The following COPG2 variants were observed in gnomAD, a reference collection of about 807,000 sequenced individuals.
COPG2 encodes coat protein complex I subunit gamma 2, also known as coatomer subunit gamma-2.
COPG2 carries 37 observed loss-of-function variants against 46.3 expected under a neutral mutation model. That is an observed-to-expected ratio of 0.80 (90% confidence interval 0.61 to 1.05). The LOEUF (loss-of-function observed/expected upper bound fraction) is 1.05. Ranked by LOEUF, COPG2 falls within the 50% of genes least tolerant of loss-of-function variation. The pLI, the probability that COPG2 is intolerant of heterozygous loss-of-function variation, is 0.00. For synonymous variants in COPG2, 159 were observed against 129.7 expected, an observed-to-expected ratio of 1.23 and a Z score of -1.53; for missense variants, 427 against 387.8, an observed-to-expected ratio of 1.10 and a Z score of -0.85.
intron 5 of COPG2, among the ~76,000 whole-genome samples, chr7:130,625,822 T>C (rs1795110559): frequency 1.3e-5 from 2 of 152,174 alleles, no homozygotes; most frequent in Non-Finnish European, 2.9e-5. Flanking sequence ...ATATGCTTTC[T>C]TTTGAATTAC....
At chr7:130,658,685 ATT>A (rs782395728) in intron 4 of COPG2, among the ~76,000 whole-genome samples, 2 of 147,050 alleles carry the variant, frequency 1.4e-5, no homozygotes, top group Admixed American at 6.8e-5. Context: ...TGACAACCTG[ATT>A]TTTTTTTTTT....
At chr7:130,509,573 C>T (rs1799562846) in intron 20 of COPG2, 2 of 436,664 alleles carry the variant, frequency 4.6e-6, no homozygotes, top group South Asian at 3.2e-5. Flanking sequence ...CTTTCATCTG[C>T]TCAGTCTTGA....
intron 10 of COPG2, among the ~76,000 whole-genome samples, chr7:130,563,992 A>G (rs1415258332): frequency 3.3e-5 from 5 of 152,170 alleles, no homozygotes; most frequent in African/African-American, 4.8e-5. Context: ...TTTAAAAAAA[A>G]GCAATAAAGA....
Position 130,656,652 on chromosome 7 carries a change from A to G in COPG2, c.244-3704T>C, listed in dbSNP as rs140812882. Reference sequence around the variant, plus strand: ...ATCACAAGAAAAAGGTCAATATATAAAAGTTCATTTAATTCTAGAGACTAC... The same window carrying G: ...ATCACAAGAAAAAGGTCAATATATAGAAGTTCATTTAATTCTAGAGACTAC... On this transcript the variant is annotated intron_variant, in intron 4 of 23. Transcript: ENST00000425248. 2.6e-5 allele frequency among the ~76,000 whole-genome samples: 4 copies of G among 152,282 alleles called. No individual in the cohort carries two copies. In the East Asian group the frequency reaches 5.8e-4, roughly 22 times the overall value.
chr7:130,567,088 T>C (rs959632873), intron 9 of COPG2, among the ~76,000 whole-genome samples: 2 of 152,218 alleles, frequency 1.3e-5, no homozygotes, highest in African/African-American at 4.8e-5. Flanking sequence ...ATTATGTCCA[T>C]TGCAGCAACA....
chr7:130,554,250 C>T (rs1248419029), intron 14 of COPG2, among the ~76,000 whole-genome samples: 5 of 152,074 alleles, frequency 3.3e-5, no homozygotes, highest in East Asian at 1.9e-4. Context: ...ACTGAAAAAA[C>T]GGATGAGCCA....
rs369631078 is a variant in COPG2, at chr7:130,602,972, T to G, written c.737+7981A>C. The G allele has an allele frequency of 4.6e-5, 7 of 152,154 alleles. No homozygotes were observed. The South Asian group carries it at 6.2e-4, about 14-fold the overall frequency. The allele number at this position is 152,154 out of a possible 1,614,324, so 9.4% of individuals were successfully genotyped here. A position where few individuals can be genotyped will look rare whatever the true frequency, so the allele number is the denominator to read the frequency against. The stretch of plus-strand genomic sequence containing the variant: ...TGTCATCCTCTGGAATTTTAGAGCT[T>G]CTAATTAAAAAAAAATTATTTGTAA... On this transcript the variant is annotated intron_variant, in intron 9 of 23. Transcript: ENST00000425248.
intron 9 of COPG2, chr7:130,610,448 G>C (rs1794822665): frequency 2.2e-6 from 1 of 453,674 alleles, no homozygotes; most frequent in Non-Finnish European, 4.3e-6. Flanking sequence ...TGGGGAAGGG[G>C]TCTTCTTTGC....
chr7:130,528,117 G>C (rs1033500818), intron 20 of COPG2, among the ~76,000 whole-genome samples: 50 of 152,192 alleles, frequency 3.3e-4, no homozygotes, highest in African/African-American at 1.2e-3. Flanking sequence ...GACCCAGGAG[G>C]AGCGGAGGAG....
Position 130,549,303 on chromosome 7 carries a change from A to C in COPG2, c.1837+11T>G, listed in dbSNP as rs1195597521. 1.8e-5 allele frequency: 7 copies of C among 398,480 alleles called. No homozygotes were observed. The highest frequency in any genetic ancestry group is 1.2e-4 in the African/African-American group (6 of 48,656). The allele number at this position is 398,480 out of a possible 1,614,324, so 24.7% of individuals were successfully genotyped here. Reference sequence around the variant, plus strand: ...GAAAGATTATTACGTCTAACCATCAAATCATCATACCTTGGAAAATGTCTT... The same window carrying C: ...GAAAGATTATTACGTCTAACCATCACATCATCATACCTTGGAAAATGTCTT... On this transcript the variant is annotated intron_variant, in intron 18 of 23. Coordinates refer to ENST00000425248, the MANE Select transcript of COPG2 (RefSeq NM_012133.6).
chr7:130,621,943 C>CAAAAA (rs562107230), intron 5 of COPG2, among the ~76,000 whole-genome samples: 10 of 67,500 alleles, frequency 1.5e-4, no homozygotes, highest in South Asian at 6.3e-4. Context: ...GACTCCATCT[C>CAAAAA]AAAAAAAAAA....
At chr7:130,523,495 C>T (rs918771566) in intron 20 of COPG2, among the ~76,000 whole-genome samples, 1 of 152,018 alleles carries the variant, frequency 6.6e-6, no homozygotes, top group Admixed American at 6.5e-5. Flanking sequence ...ACGTGGAGTG[C>T]GAGGGGAAGA....
chr7:130,621,064 G>T (rs1795031042), intron 5 of COPG2, among the ~76,000 whole-genome samples: 1 of 152,206 alleles, frequency 6.6e-6, no homozygotes, highest in South Asian at 2.1e-4. Context: ...ATAAGAGCAA[G>T]GCAGAGGGAG....
intron 5 of COPG2, among the ~76,000 whole-genome samples, chr7:130,618,046 AGCTGAGATGGCACCACT>A (rs1794978698): frequency 7.1e-6 from 1 of 140,550 alleles, no homozygotes; most frequent in African/African-American, 2.6e-5. Context: ...GGTTGCAGTG[AGCTGAGATGGCACCACT>A]GTACTCCAAC....
intron 9 of COPG2, among the ~76,000 whole-genome samples, chr7:130,600,414 C>T (rs982412826): frequency 6.6e-6 from 1 of 152,162 alleles, no homozygotes; most frequent in Non-Finnish European, 1.5e-5. Flanking sequence ...GAACGTGCCA[C>T]CACGCCTGGC....
At chr7:130,622,824 C>T (rs1795061314) in intron 5 of COPG2, among the ~76,000 whole-genome samples, 1 of 152,188 alleles carries the variant, frequency 6.6e-6, no homozygotes, top group East Asian at 1.9e-4. Flanking sequence ...ACTGATTGTT[C>T]TCTACCCCTA....
At chr7:130,593,935 G>A (rs1248304815) in intron 9 of COPG2, among the ~76,000 whole-genome samples, 1 of 152,048 alleles carries the variant, frequency 6.6e-6, no homozygotes, top group Non-Finnish European at 1.5e-5. Context: ...ACTGATAAAT[G>A]TGACTACCTT....
chr7:130,571,600 A>G (rs1260237462), intron 9 of COPG2, among the ~76,000 whole-genome samples: 2 of 152,182 alleles, frequency 1.3e-5, no homozygotes, highest in African/African-American at 4.8e-5. Flanking sequence ...GATGGTGGGA[A>G]TGTGAACTAG....
intron 5 of COPG2, among the ~76,000 whole-genome samples, chr7:130,624,246 G>A (rs987944059): frequency 6.6e-6 from 1 of 152,020 alleles, no homozygotes; most frequent in Admixed American, 6.6e-5. Flanking sequence ...ACATACTTGG[G>A]GGGACACAAA....
Sources: gnomAD v4.1 joint callset for allele counts (sites outside exome capture counted in the v4.1 genomes callset) on GRCh38, gnomAD v4.1.1 for gene constraint, MANE v1.5 for transcripts, NCBI Gene and HGNC (gene_info 2026-07-23, HGNC 2026-07-21) for gene names.